The following UBE2D4 variants were observed in gnomAD, a reference collection of about 807,000 sequenced individuals.
UBE2D4 encodes the protein ubiquitin conjugating enzyme E2 D4, also known as ubiquitin-conjugating enzyme E2 D4.
Under a neutral mutation model 23.0 loss-of-function variants are expected in UBE2D4, and 17 were observed. The ratio of observed to expected loss-of-function variants is 0.74; its 90% CI spans 0.51 to 1.11. The LOEUF is 1.11. Among genes scored for constraint, UBE2D4 ranks in the 50% least tolerant of loss-of-function variants. UBE2D4 has a pLI of 0.00. For missense variants in UBE2D4, 139 were observed against 181.8 expected (o/e 0.76, Z 1.35); for synonymous variants, 61 against 69.4 (o/e 0.88, Z 0.60).
At chr7:43,932,142 A>G (rs2095947210) in intron 1 of UBE2D4, among the ~76,000 whole-genome samples, 1 of 151,782 alleles carries the variant, frequency 6.6e-6, no homozygotes, top group Non-Finnish European at 1.5e-5. Context: ...GGCGCCTGCC[A>G]CCACACCCAG....
intron 4 of UBE2D4, 85 bp from the exon 5 acceptor site, chr7:43,948,547 C>CCAG: frequency 1.1e-6 from 1 of 884,890 alleles, no homozygotes; most frequent in Non-Finnish European, 1.8e-6. Context: ...CAGGTACTGC[C>CCAG]CAGCAGCAGC....
rs56361703 is a variant in UBE2D4 at position 43,949,021 on chromosome 7, T to A, written c.304+284T>A. The A allele has an allele frequency of 9.8e-3, 4,276 of 438,234 alleles. 35 individuals are homozygous for A. Among genetic ancestry groups the A allele is most frequent in the Non-Finnish European group, 0.012 (3,044 of 247,100 alleles). 27.1% of individuals were successfully genotyped at this position (438,234 alleles called of 1,614,324 possible). On this transcript the variant is annotated intron_variant, in intron 5 of 6. Coordinates refer to ENST00000222402, the MANE Select transcript of UBE2D4 (RefSeq NM_015983.4). ...AATACTGATTCTACTTATATTTTTTTATCCAAAAATAAGAAAGGCAAATAT... is the reference window on the plus strand; with the variant it reads ...AATACTGATTCTACTTATATTTTTTAATCCAAAAATAAGAAAGGCAAATAT...
At chr7:43,945,585 A>G (rs1005968296) in intron 4 of UBE2D4, among the ~76,000 whole-genome samples, 1 of 152,144 alleles carries the variant, frequency 6.6e-6, no homozygotes, top group African/African-American at 2.4e-5. Context: ...CCTGGGAAAA[A>G]TTACAGATGT....
At chr7:43,934,063 C>G (rs186604208) in intron 1 of UBE2D4, among the ~76,000 whole-genome samples, 1 of 152,142 alleles carries the variant, frequency 6.6e-6, no homozygotes, top group East Asian at 1.9e-4. Flanking sequence ...AGGACAACGA[C>G]GAGTAAATTT....
chr7:43,952,983 G>A lies in UBE2D4; in HGVS notation c.*288G>A. 2.5e-6 allele frequency: 1 copy of A among 405,976 alleles called. No individual in the cohort carries two copies. The highest frequency in any genetic ancestry group is 4.7e-6 in the Non-Finnish European group (1 of 210,998). The allele number at this position is 405,976 out of a possible 1,614,324, so 25.1% of individuals were successfully genotyped here. A position where few individuals can be genotyped will look rare whatever the true frequency, so the allele number is the denominator to read the frequency against. ...CTCTGCCGCCTCAGTTTGTCTGCTG[G>A]TCTCTTGGGGGGCCAGGCCCTGCAC... On this transcript the variant is annotated 3_prime_UTR_variant, in exon 7 of 7. Transcript: ENST00000222402.
chr7:43,930,840 G>C (rs971133629), intron 1 of UBE2D4, among the ~76,000 whole-genome samples: 11 of 152,064 alleles, frequency 7.2e-5, no homozygotes, highest in South Asian at 6.2e-4. Context: ...TTGCATTGCT[G>C]TTAGGAAATA....
Position 43,926,502 on chromosome 7 carries a change from G to C in UBE2D4, c.-31G>C, listed in dbSNP as rs1372224058. The C allele has an allele frequency of 1.3e-6, 2 of 1,506,498 alleles. No individual in the cohort carries two copies. Among genetic ancestry groups the C allele is most frequent in the African/African-American group, 1.4e-5 (1 of 69,876 alleles). 93.3% of individuals were successfully genotyped at this position (1,506,498 alleles called of 1,614,324 possible). ...CGGGCCGCCTCAGGCAGCCCCGGCC[G>C]GGCCGCCCGGGTCCCCGGCAGCGGG... On this transcript the variant is annotated 5_prime_UTR_variant, in exon 1 of 7. Transcript: ENST00000222402.
intron 6 of UBE2D4, 69 bp downstream of exon 6, chr7:43,950,761 C>T: frequency 7.9e-7 from 1 of 1,271,004 alleles, no homozygotes. Flanking sequence ...TACCTGTGCT[C>T]TGAGCTGGTG....
At chr7:43,951,016 A>C (rs1562608488) in intron 6 of UBE2D4, among the ~76,000 whole-genome samples, 1 of 152,268 alleles carries the variant, frequency 6.6e-6, no homozygotes, top group Admixed American at 6.5e-5. Flanking sequence ...GAACAGACTC[A>C]GAAGAATCTG....
chr7:43,934,103 G>A lies in UBE2D4; in HGVS notation c.25-4328G>A, dbSNP rs545473029. Among the ~76,000 whole-genome samples, 8 of 152,328 alleles carry A rather than the reference G, an allele frequency of 5.3e-5. No individual in the cohort carries two copies. The South Asian group carries it at 1.7e-3, about 32-fold the overall frequency. On this transcript the variant is annotated intron_variant, in intron 1 of 6. Transcript: ENST00000222402. ...ATAAGGGAGCAAATATTTGTTGTTG[G>A]AGGAAGGACTGGAATTTCCTAATTC...
Position 43,926,516 on chromosome 7 carries a change from C to T in UBE2D4, c.-17C>T. The stretch of plus-strand genomic sequence containing the variant: ...CAGCCCCGGCCGGGCCGCCCGGGTC[C>T]CCGGCAGCGGGGTAGGATGGCGCTA... On this transcript the variant is annotated 5_prime_UTR_variant, in exon 1 of 7. Coordinates refer to ENST00000222402, the MANE Select transcript of UBE2D4 (RefSeq NM_015983.4). 6.5e-7 allele frequency: 1 copy of T among 1,526,902 alleles called. No homozygotes were observed. The highest frequency in any genetic ancestry group is 8.8e-7 in the Non-Finnish European group (1 of 1,138,368). The allele number at this position is 1,526,902 out of a possible 1,614,324, so 94.6% of individuals were successfully genotyped here.
intron 5 of UBE2D4, 23 bp from the exon 6 acceptor site, chr7:43,950,576 C>G (rs1354257027): frequency 6.2e-7 from 1 of 1,609,146 alleles, no homozygotes; most frequent in African/African-American, 1.3e-5. Context: ...CTACAGCTGA[C>G]CAACCTTTTC....
At position 43,954,588 on chromosome 7, in the gene UBE2D4, TG is replaced by T. The variant is rs1216291715; in HGVS notation, c.*1894del. 1 of 152,210 alleles carries T rather than the reference TG, an allele frequency of 6.6e-6. No individual in the cohort carries two copies. Among genetic ancestry groups the T allele is most frequent in the Non-Finnish European group, 1.5e-5 (1 of 68,050 alleles). 9.4% of individuals were successfully genotyped at this position (152,210 alleles called of 1,614,324 possible). A position where few individuals can be genotyped will look rare whatever the true frequency, so the allele number is the denominator to read the frequency against. On this transcript the variant is annotated 3_prime_UTR_variant, in exon 7 of 7. Transcript: ENST00000222402. ...CAGCAAGGATTGCTGTTTTAATTCT[TG>T]TATCTTCGTTGCTTCTTTGGTCTTT...
chr7:43,935,588 TA>T (rs939828062), intron 1 of UBE2D4, among the ~76,000 whole-genome samples: 8 of 152,144 alleles, frequency 5.3e-5, no homozygotes. Flanking sequence ...AGAAGGGATA[TA>T]AAATGGAATG....
intron 1 of UBE2D4, among the ~76,000 whole-genome samples, chr7:43,929,160 C>T (rs994053804): frequency 1.3e-5 from 2 of 152,078 alleles, no homozygotes; most frequent in Non-Finnish European, 2.9e-5. Context: ...TGAGGTGGCT[C>T]ATGCCTGTAA....
At position 43,943,481 on chromosome 7, in the gene UBE2D4, A is replaced by G. The variant is rs560925879; in HGVS notation, c.198+450A>G. On this transcript the variant is annotated intron_variant, in intron 4 of 6. Coordinates refer to ENST00000222402, the MANE Select transcript of UBE2D4 (RefSeq NM_015983.4). ...GTATCTAGTCGGCAAAGGCCAGGGT[A>G]TTCCAGGGATTCCCTGCAGTGCACA... The G allele has an allele frequency of 1.9e-4, 41 of 216,266 alleles. 1 individual carries two copies. The Middle Eastern group carries it at 5.5e-3, about 29-fold the overall frequency. 13.4% of individuals were successfully genotyped at this position (216,266 alleles called of 1,614,324 possible).
rs2096006807 is a variant in UBE2D4, at chr7:43,953,167, G to A, written c.*472G>A. 1 of 456,692 alleles carries A rather than the reference G, an allele frequency of 2.2e-6. No homozygotes were observed. Among genetic ancestry groups the A allele is most frequent in the South Asian group, 1.5e-5 (1 of 64,576 alleles). The allele number at this position is 456,692 out of a possible 1,614,324, so 28.3% of individuals were successfully genotyped here. A position where few individuals can be genotyped will look rare whatever the true frequency, so the allele number is the denominator to read the frequency against. ...CTTTGTTCGCACCTCATCTGCTGCA[G>A]AACCACATCCTGAGGAGTCTCAGCT... is the stretch of plus-strand genomic sequence containing the variant. On this transcript the variant is annotated 3_prime_UTR_variant, in exon 7 of 7. Transcript: ENST00000222402.
intron 6 of UBE2D4, among the ~76,000 whole-genome samples, chr7:43,950,933 T>G (rs1268658409): frequency 6.6e-6 from 1 of 152,230 alleles, no homozygotes; most frequent in African/African-American, 2.4e-5. Context: ...GATAACTCAT[T>G]AGCTGCTGCT....
At chr7:43,926,968 T>C (rs77332727) in intron 1 of UBE2D4, among the ~76,000 whole-genome samples, 2,169 of 152,284 alleles carry the variant, frequency 0.014, 51 homozygotes, top group African/African-American at 0.049. Context: ...ACGGGGAGAC[T>C]ACGAGGCTTG....
Sources: allele counts gnomAD v4.1 joint callset (sites outside exome capture counted in the v4.1 genomes callset), GRCh38; gene constraint gnomAD v4.1.1; transcripts MANE v1.5; gene names NCBI Gene and HGNC (gene_info 2026-07-23, HGNC 2026-07-21).